The following PDGFRB variants were observed in gnomAD, a reference collection of about 807,000 sequenced individuals.
PDGFRB encodes the protein platelet derived growth factor receptor beta.
In PDGFRB, 42 loss-of-function variants were observed where a neutral mutation model predicts 120.2. The observed-to-expected ratio is 0.35, with a 90% CI of 0.27 to 0.45. PDGFRB has a LOEUF of 0.45. PDGFRB is among the 20% of genes least tolerant of loss of function. PDGFRB has a pLI of 1.00. For synonymous variants in PDGFRB, 586 were observed against 606.8 expected, an observed-to-expected ratio of 0.97 and a Z score of 0.50; for missense variants, 1,149 against 1,476.3, an observed-to-expected ratio of 0.78 and a Z score of 3.63.
At chr5:150,148,831 C>T (rs1433305186) in intron 1 of PDGFRB, among the ~76,000 whole-genome samples, 17 of 152,178 alleles carry the variant, frequency 1.1e-4, no homozygotes, top group Admixed American at 1.1e-3. Context: ...TTGAGCTAGG[C>T]CTCCAGGGTT....
intron 14 of PDGFRB, among the ~76,000 whole-genome samples, chr5:150,123,740 G>A (rs1760211730): frequency 6.6e-6 from 1 of 152,134 alleles, no homozygotes; most frequent in Non-Finnish European, 1.5e-5. Context: ...TTTTATTTTG[G>A]TTGCATAATG....
intron 1 of PDGFRB, among the ~76,000 whole-genome samples, chr5:150,152,667 A>C (rs1761108506): frequency 6.6e-6 from 1 of 152,222 alleles, no homozygotes; most frequent in Non-Finnish European, 1.5e-5. Context: ...TCAGAGTCAG[A>C]CTGTGGCCTG....
chr5:150,147,164 G>A (rs1447152688), intron 1 of PDGFRB, among the ~76,000 whole-genome samples: 2 of 152,148 alleles, frequency 1.3e-5, no homozygotes, highest in African/African-American at 2.4e-5. Flanking sequence ...CTGCCCCTGT[G>A]GGGGCCCCAG....
chr5:150,130,543 T>C lies in PDGFRB; in HGVS notation c.1363A>G (p.Lys455Glu). ...CTGAGGCCCAGGTCTGCTCACCTTTTGAGGTCTCTGCAGGCAGACCAGATG... is the reference window on the plus strand; with the variant it reads ...CTGAGGCCCAGGTCTGCTCACCTTTCGAGGTCTCTGCAGGCAGACCAGATG... ...NIIWSACRDL[K>E]RCPRELPPTL... The change falls in exon 9 of 23, where the codon AAA becomes GAA. Residue 455 changes from lysine (K) to glutamate (E), a missense_variant. By Grantham distance (56) the Lys-to-Glu change is moderately conservative. Coordinates refer to ENST00000261799, the MANE Select transcript of PDGFRB (RefSeq NM_002609.4). 16 of 1,612,628 alleles carry C rather than the reference T, an allele frequency of 9.9e-6. No homozygotes were observed. Among genetic ancestry groups the C allele is most frequent in the Non-Finnish European group, 1.4e-5 (16 of 1,179,610 alleles).
In PDGFRB at chr5:150,121,375, A is replaced by G; in HGVS notation, c.2345-53T>C. The G allele has an allele frequency of 1.2e-6, 1 of 864,564 alleles. No individual in the cohort carries two copies. Among genetic ancestry groups the G allele is most frequent in the East Asian group, 2.4e-5 (1 of 41,524 alleles). 53.6% of individuals were successfully genotyped at this position (864,564 alleles called of 1,614,324 possible). A position where few individuals can be genotyped will look rare whatever the true frequency, so the allele number is the denominator to read the frequency against. On this transcript the variant is annotated intron_variant, in intron 16 of 22. Transcript: ENST00000261799. The surrounding 1 kb of genome is among the most constrained non-coding windows in gnomAD (Gnocchi z 4.1). Reference sequence around the variant, plus strand: ...TATCTTATATCTCCTTCTGGCCCACAGGACCCCTGCCCTTTGGCTCCTGGG... The same window carrying G: ...TATCTTATATCTCCTTCTGGCCCACGGGACCCCTGCCCTTTGGCTCCTGGG...
At chr5:150,125,727 C>T (rs1161917686) in intron 11 of PDGFRB, 150 bp from the exon 12 acceptor site, 2 of 657,108 alleles carry the variant, frequency 3.0e-6, no homozygotes, top group Non-Finnish European at 2.4e-6. Flanking sequence ...AAGTGCTCAA[C>T]TGAGCCAAGG....
In PDGFRB at chr5:150,155,564, G is replaced by C. The variant is rs1761207978; in HGVS notation, c.-174C>G. On this transcript the variant is annotated 5_prime_UTR_variant, in exon 1 of 23. Coordinates refer to ENST00000261799, the MANE Select transcript of PDGFRB (RefSeq NM_002609.4). ...GCAGGACTGGTGCAGGCTCCTGAAG[G>C]CTCAGGAGAACAGAGGGATGGAGGA... is the stretch of plus-strand genomic sequence containing the variant. 2.5e-6 allele frequency: 1 copy of C among 398,720 alleles called. No homozygotes were observed. The highest frequency in any genetic ancestry group is 1.3e-4 in the South Asian group (1 of 7,868). 24.7% of individuals were successfully genotyped at this position (398,720 alleles called of 1,614,324 possible).
intron 6 of PDGFRB, 57 bp downstream of exon 6, chr5:150,133,529 G>A (rs2113908172): frequency 7.0e-7 from 1 of 1,426,902 alleles, no homozygotes; most frequent in Non-Finnish European, 9.9e-7. Flanking sequence ...CAGCAAAGTG[G>A]GTGAGGGTGG....
At chr5:150,131,558 G>T (rs980746421) in intron 8 of PDGFRB, among the ~76,000 whole-genome samples, 1 of 152,136 alleles carries the variant, frequency 6.6e-6, no homozygotes, top group Non-Finnish European at 1.5e-5. Context: ...AATTTGCTGG[G>T]GTTTTCCTCC....
chr5:150,118,852 G>T lies in PDGFRB; in HGVS notation c.2799C>A (p.Ile933=). 1 of 1,598,910 alleles carries T rather than the reference G, an allele frequency of 6.3e-7. No individual in the cohort carries two copies. Among genetic ancestry groups the T allele is most frequent in the Non-Finnish European group, 8.6e-7 (1 of 1,166,566 alleles). ...MAQPAHASDE[I]YEIMQKCWEE... is the part of the protein sequence containing the mutation. ...CCCAGCACTTCTGCATGATCTCATA[G>T]CTGGGGATAGGGAGAAGGGTCAGGG... The change falls in exon 21 of 23, where the codon ATC becomes ATA. Residue 933 remains isoleucine (I), a splice_region_variant and synonymous_variant. Transcript: ENST00000261799.
intron 1 of PDGFRB, among the ~76,000 whole-genome samples, chr5:150,146,481 C>T (rs1489775611): frequency 6.6e-6 from 1 of 152,196 alleles, no homozygotes; most frequent in Non-Finnish European, 1.5e-5. Context: ...CCCAAGGTCA[C>T]ACAATAAGTA....
At chr5:150,136,813 G>C (rs1056736548) in intron 2 of PDGFRB, among the ~76,000 whole-genome samples, 195 bp downstream of exon 2, 2 of 152,176 alleles carry the variant, frequency 1.3e-5, no homozygotes, top group Non-Finnish European at 2.9e-5. Context: ...GGGGCCCACT[G>C]ACGCTTTCTG....
chr5:150,131,940 G>T, intron 8 of PDGFRB, 39 bp downstream of exon 8: 2 of 1,059,932 alleles, frequency 1.9e-6, no homozygotes, highest in Non-Finnish European at 2.9e-6. Context: ...GGGCAGGGAG[G>T]GGAAGGAGCA....
At position 150,137,300 on chromosome 5, in the gene PDGFRB, C is replaced by T. The variant is rs80355146; in HGVS notation, c.-6-247G>A. ...GCTTTGGCTCTGCTTGTGACTCTCA[C>T]GTGGCCTCGGCTGCGTCCCCAGACT... is the stretch of plus-strand genomic sequence containing the variant. On this transcript the variant is annotated intron_variant, in intron 1 of 22. Transcript: ENST00000261799. The T allele has an allele frequency of 8.1e-4, 381 of 472,422 alleles. 3 individuals are homozygous for T. In the East Asian group the frequency reaches 0.014, roughly 17 times the overall value. 29.3% of individuals were successfully genotyped at this position (472,422 alleles called of 1,614,324 possible). A position where few individuals can be genotyped will look rare whatever the true frequency, so the allele number is the denominator to read the frequency against.
Position 150,124,284 on chromosome 5 carries a change from G to A in PDGFRB, c.1989C>T (p.Asn663=), listed in dbSNP as rs538917552. 48 of 1,613,878 alleles carry A rather than the reference G, an allele frequency of 3.0e-5. No individual in the cohort carries two copies. The South Asian group carries it at 3.2e-4, about 11-fold the overall frequency. The change falls in exon 14 of 23, where the codon AAC becomes AAT. Residue 663 remains asparagine, a synonymous_variant. Coordinates refer to ENST00000261799, the MANE Select transcript of PDGFRB (RefSeq NM_002609.4). ...KIMSHLGPHL[N]VVNLLGACTK... ...TGCAGGCCCCCAACAGGTTGACCACGTTCAGGTGGGGCCCAAGGTGACTCA... is the reference window on the plus strand; with the variant it reads ...TGCAGGCCCCCAACAGGTTGACCACATTCAGGTGGGGCCCAAGGTGACTCA...
chr5:150,152,902 G>C (rs1055872639), intron 1 of PDGFRB, among the ~76,000 whole-genome samples: 1 of 152,234 alleles, frequency 6.6e-6, no homozygotes, highest in Admixed American at 6.5e-5. Flanking sequence ...GCCCACACAC[G>C]GTCCTGCTGC....
At position 150,135,790 on chromosome 5, in the gene PDGFRB, G is replaced by A. The variant is rs1760612257; in HGVS notation, c.129C>T (p.Val43=). 1 of 1,606,380 alleles carries A rather than the reference G, an allele frequency of 6.2e-7. No individual in the cohort carries two copies. Among genetic ancestry groups the A allele is most frequent in the South Asian group, 1.1e-5 (1 of 89,734 alleles). Reference sequence around the variant, plus strand: ...GAACGAAGGTGCTGGAGACATTGAGGACAAGCTCTGGCCCCGGGGGTGTGA... The same window carrying A: ...GAACGAAGGTGCTGGAGACATTGAGAACAAGCTCTGGCCCCGGGGGTGTGA... ...LVVTPPGPEL[V]LNVSSTFVLT... is the part of the protein sequence containing the mutation. Residue 43 remains valine (V), a synonymous_variant, in exon 3 of 23, where the codon GTC becomes GTT. Transcript: ENST00000261799.
At chr5:150,117,544 GCACACA>G (rs3836743) in intron 22 of PDGFRB, 68 bp downstream of exon 22, 5,992 of 511,452 alleles carry the variant, frequency 0.012, 17 homozygotes, top group East Asian at 0.033. Flanking sequence ...GCGCGCGCGC[GCACACA>G]CACACACACA....
chr5:150,134,235 G>A (rs1760559511), intron 4 of PDGFRB: 4 of 574,894 alleles, frequency 7.0e-6, no homozygotes, highest in Admixed American at 3.1e-5. Flanking sequence ...TGGAGCTGAC[G>A]TTCTAGAAGG....
Sources: allele counts gnomAD v4.1 joint callset (sites outside exome capture counted in the v4.1 genomes callset), GRCh38; gene constraint gnomAD v4.1.1; non-coding constraint Gnocchi (gnomAD v3.1); transcripts MANE v1.5; gene names NCBI Gene and HGNC (gene_info 2026-07-23, HGNC 2026-07-21).